Variants in PCDH9 observed in about 807,000 individuals in gnomAD.
PCDH9 encodes the protein protocadherin-9.
In PCDH9, 24 loss-of-function variants were observed where a neutral mutation model predicts 70.6. The ratio of observed to expected loss-of-function variants is 0.34; its 90% confidence interval spans 0.25 to 0.48. The LOEUF is 0.48. Among genes scored for constraint, PCDH9 ranks in the 20% least tolerant of loss-of-function variants. PCDH9 has a pLI of 0.99. For synonymous variants in PCDH9, 562 were observed against 558.5 expected (o/e 1.01, Z -0.09); for missense variants, 1,281 against 1,503.6 (o/e 0.85, Z 2.45).
Position 67,000,758 on chromosome 13 carries a change from A to G in PCDH9, c.3037-97153T>C, listed in dbSNP as rs1017587545. On this transcript the variant is annotated intron_variant, in intron 2 of 4. Coordinates refer to ENST00000377865, the MANE Select transcript of PCDH9 (RefSeq NM_203487.3). Reference sequence around the variant, plus strand: ...GAAACTAATACCATTCTTAATTTCTATCCATGCTAAAAAGGGGATTTCCAG... The same window carrying G: ...GAAACTAATACCATTCTTAATTTCTGTCCATGCTAAAAAGGGGATTTCCAG... Among the ~76,000 whole-genome samples, 4 of 152,316 alleles carry G rather than the reference A, an allele frequency of 2.6e-5. No individual in the cohort carries two copies. The East Asian group carries it at 7.7e-4, about 29-fold the overall frequency.
chr13:66,939,818 G>T (rs906337761), intron 2 of PCDH9, among the ~76,000 whole-genome samples: 1 of 152,060 alleles, frequency 6.6e-6, no homozygotes, highest in African/African-American at 2.4e-5. Context: ...CAACGTATAG[G>T]CGCATTTAGT....
At chr13:67,097,066 T>C (rs1459271810) in intron 2 of PCDH9, among the ~76,000 whole-genome samples, 1 of 146,894 alleles carries the variant, frequency 6.8e-6, no homozygotes, top group Non-Finnish European at 1.5e-5. Flanking sequence ...TGCACAATGG[T>C]GAAACCCTAT....
intron 2 of PCDH9, among the ~76,000 whole-genome samples, chr13:67,076,712 T>C (rs2085885394): frequency 6.6e-6 from 1 of 152,136 alleles, no homozygotes; most frequent in Non-Finnish European, 1.5e-5. Context: ...ATAGAAGTAA[T>C]AATAAAATTT....
At chr13:66,679,508 C>G (rs375825351) in intron 3 of PCDH9, among the ~76,000 whole-genome samples, 4 of 151,964 alleles carry the variant, frequency 2.6e-5, no homozygotes, top group South Asian at 4.1e-4. Flanking sequence ...ATCTTTTCAA[C>G]TCAATATAAC....
At chr13:66,565,830 A>G (rs2076644626) in intron 4 of PCDH9, among the ~76,000 whole-genome samples, 1 of 152,188 alleles carries the variant, frequency 6.6e-6, no homozygotes, top group Non-Finnish European at 1.5e-5. Flanking sequence ...GATTTTGTTC[A>G]TTGTTTTAAC....
chr13:66,839,407 G>T (rs193030874), intron 3 of PCDH9, among the ~76,000 whole-genome samples: 203 of 152,196 alleles, frequency 1.3e-3, no homozygotes, highest in Middle Eastern at 3.4e-3. Flanking sequence ...AGCATTTCTA[G>T]TCAGTCAGGC....
At chr13:66,659,739 T>C (rs1350413562) in intron 3 of PCDH9, among the ~76,000 whole-genome samples, 1 of 152,056 alleles carries the variant, frequency 6.6e-6, no homozygotes, top group Non-Finnish European at 1.5e-5. Flanking sequence ...TAATTCTCTA[T>C]ATCTTCTGTT....
intron 4 of PCDH9, among the ~76,000 whole-genome samples, chr13:66,422,709 A>T (rs971251315): frequency 6.6e-5 from 10 of 152,178 alleles, no homozygotes; most frequent in Non-Finnish European, 1.5e-4. Flanking sequence ...AGTGGGAAAG[A>T]TCTAAAATCA....
intron 4 of PCDH9, among the ~76,000 whole-genome samples, chr13:66,566,425 C>T (rs2076653109): frequency 6.6e-6 from 1 of 152,056 alleles, no homozygotes; most frequent in African/African-American, 2.4e-5. Context: ...AAGCAAGTCT[C>T]CCTTAGATAT....
At chr13:66,364,356 A>G (rs2138200711) in intron 4 of PCDH9, among the ~76,000 whole-genome samples, 1 of 152,262 alleles carries the variant, frequency 6.6e-6, no homozygotes, top group African/African-American at 2.4e-5. Flanking sequence ...CTACATTTTT[A>G]ATTATGATTG....
intron 2 of PCDH9, among the ~76,000 whole-genome samples, chr13:66,968,518 T>C (rs766928898): frequency 1.2e-4 from 18 of 152,040 alleles, no homozygotes; most frequent in Non-Finnish European, 2.2e-4. Flanking sequence ...CTTCTTTTAT[T>C]GGTTTCTTGT....
At chr13:67,105,697 G>T (rs2086526138) in intron 2 of PCDH9, among the ~76,000 whole-genome samples, 1 of 151,386 alleles carries the variant, frequency 6.6e-6, no homozygotes, top group Non-Finnish European at 1.5e-5. Context: ...TTTCTCTTTG[G>T]CAATTAAATT....
intron 4 of PCDH9, among the ~76,000 whole-genome samples, chr13:66,331,152 C>T (rs1391825843): frequency 3.9e-5 from 6 of 151,998 alleles, no homozygotes; most frequent in Non-Finnish European, 7.4e-5. Context: ...TGTGTACATC[C>T]ATGTGTGTTT....
chr13:67,194,315 AC>A (rs1165317777), intron 2 of PCDH9, among the ~76,000 whole-genome samples: 1 of 152,158 alleles, frequency 6.6e-6, no homozygotes, highest in East Asian at 1.9e-4. Context: ...ACCATAGGGG[AC>A]AAAAATTCAA....
chr13:67,069,425 G>A (rs2085714355), intron 2 of PCDH9, among the ~76,000 whole-genome samples: 1 of 152,094 alleles, frequency 6.6e-6, no homozygotes, highest in South Asian at 2.1e-4. Context: ...CTATTCACCT[G>A]TACAATTCTT....
intron 2 of PCDH9, among the ~76,000 whole-genome samples, chr13:67,193,385 A>G (rs2088973398): frequency 6.6e-6 from 1 of 151,554 alleles, no homozygotes; most frequent in Non-Finnish European, 1.5e-5. Flanking sequence ...AGAAAAAATC[A>G]ATCTCTGGCA....
At chr13:66,643,411 C>A (rs1042205750) in intron 3 of PCDH9, among the ~76,000 whole-genome samples, 2 of 151,446 alleles carry the variant, frequency 1.3e-5, no homozygotes, top group Admixed American at 6.6e-5. Context: ...TTTTTTAATC[C>A]ACCTATTATT....
At chr13:66,916,956 A>T (rs1300709513) in intron 2 of PCDH9, among the ~76,000 whole-genome samples, 2 of 151,548 alleles carry the variant, frequency 1.3e-5, no homozygotes, top group Non-Finnish European at 1.5e-5. Flanking sequence ...CAAGCAATAG[A>T]AAGTACATAC....
At chr13:66,392,046 T>C (rs901669298) in intron 4 of PCDH9, among the ~76,000 whole-genome samples, 4 of 151,794 alleles carry the variant, frequency 2.6e-5, no homozygotes, top group Non-Finnish European at 5.9e-5. Context: ...CATACTGCTA[T>C]GGAAAGCTAG....
Sources: allele counts gnomAD v4.1 joint callset (sites outside exome capture counted in the v4.1 genomes callset), GRCh38; gene constraint gnomAD v4.1.1; transcripts MANE v1.5; gene names NCBI Gene and HGNC (gene_info 2026-07-23, HGNC 2026-07-21).